The following CPM variants were observed in gnomAD, a reference collection of about 807,000 sequenced individuals.
The protein encoded by CPM is carboxypeptidase M, also known as renal carboxypeptidase.
Under a neutral mutation model 46.4 loss-of-function variants are expected in CPM, and 35 were observed. That is an observed-to-expected ratio of 0.75 (90% CI 0.58 to 1.00). The LOEUF (loss-of-function observed/expected upper bound fraction) is 1.00, where lower values mean the gene tolerates loss of function less well. Among genes scored for constraint, CPM ranks in the 50% least tolerant of loss-of-function variants. The pLI is 0.00. For missense variants in CPM, 422 were observed against 530.4 expected, an observed-to-expected ratio of 0.80 and a Z score of 2.01; for synonymous variants, 195 against 195.3, an observed-to-expected ratio of 1.00 and a Z score of 0.01.
In CPM at chr12:68,909,567, C is replaced by T. The variant is rs549497892; in HGVS notation, c.160+23111G>A. ...TTTATTGCAGCACTATTCACAATAGCAAAGACTTGGAACCAACCCAAATGT... is the reference window on the plus strand; with the variant it reads ...TTTATTGCAGCACTATTCACAATAGTAAAGACTTGGAACCAACCCAAATGT... On this transcript the variant is annotated intron_variant, in intron 2 of 8. Transcript: ENST00000551568. 2.0e-5 allele frequency among the ~76,000 whole-genome samples: 3 copies of T among 152,112 alleles called. No individual in the cohort carries two copies. In the East Asian group the frequency reaches 5.8e-4, roughly 29 times the overall value.
At chr12:68,943,490 C>T (rs948705865) in intron 1 of CPM, among the ~76,000 whole-genome samples, 4 of 152,152 alleles carry the variant, frequency 2.6e-5, no homozygotes, top group Non-Finnish European at 5.9e-5. Flanking sequence ...CATCCCAGCT[C>T]CTTCCAACAT....
At chr12:68,941,087 T>G (rs1888752109) in intron 1 of CPM, among the ~76,000 whole-genome samples, 1 of 152,140 alleles carries the variant, frequency 6.6e-6, no homozygotes, top group African/African-American at 2.4e-5. Context: ...AATATTTGTC[T>G]TTTTGTGACT....
At chr12:68,902,294 C>T (rs947312505) in intron 2 of CPM, among the ~76,000 whole-genome samples, 6 of 152,158 alleles carry the variant, frequency 3.9e-5, no homozygotes, top group African/African-American at 7.2e-5. Context: ...AAAGTCAACA[C>T]AAATATAAGT....
At chr12:68,961,016 T>A (rs1889102473) in intron 1 of CPM, among the ~76,000 whole-genome samples, 1 of 152,106 alleles carries the variant, frequency 6.6e-6, no homozygotes, top group Non-Finnish European at 1.5e-5. Flanking sequence ...CAGTAAAAAC[T>A]AGGAAATTTG....
At chr12:68,844,968 A>G (rs1002926840) in intron 5 of CPM, 15 of 193,322 alleles carry the variant, frequency 7.8e-5, no homozygotes, top group Non-Finnish European at 1.2e-4. Context: ...AAGTTTCACT[A>G]TGTTGGCCAG....
At chr12:68,894,143 T>C (rs996100083) in intron 2 of CPM, among the ~76,000 whole-genome samples, 1 of 152,196 alleles carries the variant, frequency 6.6e-6, no homozygotes, top group Non-Finnish European at 1.5e-5. Context: ...TCTCTAATCC[T>C]GTGTCATCTT....
At chr12:68,937,949 A>G (rs1888698450), upstream of CPM, among the ~76,000 whole-genome samples, 1 of 152,246 alleles carries the variant, frequency 6.6e-6, no homozygotes, top group South Asian at 2.1e-4. Flanking sequence ...AGAGTGAATT[A>G]CAAAAGTGAA....
chr12:68,849,461 G>A (rs1884557496), downstream of CPM: 1 of 149,214 alleles, frequency 6.7e-6, no homozygotes, highest in African/African-American at 2.5e-5. Flanking sequence ...CCAGGTTGGA[G>A]TGCAGTGGCA....
intron 2 of CPM, among the ~76,000 whole-genome samples, chr12:68,895,128 A>G (rs935459120): frequency 3.3e-5 from 5 of 151,898 alleles, no homozygotes; most frequent in South Asian, 4.1e-4. Flanking sequence ...TCTACCAGGT[A>G]AATCATGGCC....
chr12:68,946,397 G>T (rs1888848450), intron 1 of CPM, among the ~76,000 whole-genome samples: 2 of 151,992 alleles, frequency 1.3e-5, no homozygotes, highest in African/African-American at 2.4e-5. Context: ...TTTTAATAAG[G>T]AATCTCAGAT....
chr12:68,925,629 AG>A (rs1491116813), intron 2 of CPM, among the ~76,000 whole-genome samples: 1 of 152,170 alleles, frequency 6.6e-6, no homozygotes, highest in Non-Finnish European at 1.5e-5. Flanking sequence ...TATTTGACTC[AG>A]GGGGGTAAAA....
At chr12:68,952,931 T>C (rs1888958012) in intron 1 of CPM, among the ~76,000 whole-genome samples, 1 of 152,176 alleles carries the variant, frequency 6.6e-6, no homozygotes, top group Non-Finnish European at 1.5e-5. Context: ...AGGCTTGAGC[T>C]CTGTTGCCTA....
intron 2 of CPM, among the ~76,000 whole-genome samples, chr12:68,889,999 G>A (rs1886588446): frequency 6.6e-6 from 1 of 152,020 alleles, no homozygotes; most frequent in Admixed American, 6.5e-5. Flanking sequence ...CCTCACTTGG[G>A]GCTGATGCCA....
At position 68,871,334 on chromosome 12, in the gene CPM, A is replaced by T. The variant is rs114689828; in HGVS notation, c.431+450T>A. ...GTGGGGGGAGAGACATGAAGCAAGA[A>T]ATTAGATATTAAAAGTTGTGCTCTG... On this transcript the variant is annotated intron_variant, in intron 4 of 8. Coordinates refer to ENST00000551568, the MANE Select transcript of CPM (RefSeq NM_198320.5). Among the ~76,000 whole-genome samples the T allele has an allele frequency of 3.8e-3, 582 of 152,276 alleles. 5 individuals carry two copies. The highest frequency in any genetic ancestry group is 0.013 in the African/African-American group (555 of 41,546).
chr12:68,879,502 C>T (rs1592654254), intron 3 of CPM, among the ~76,000 whole-genome samples: 1 of 152,146 alleles, frequency 6.6e-6, no homozygotes, highest in African/African-American at 2.4e-5. Flanking sequence ...TAGCTGGGAC[C>T]ACAGGTATGC....
At chr12:68,902,818 G>A (rs1887166921) in intron 2 of CPM, among the ~76,000 whole-genome samples, 2 of 152,170 alleles carry the variant, frequency 1.3e-5, no homozygotes, top group South Asian at 4.1e-4. Context: ...AAGTAAAACA[G>A]ACCTTCTTCT....
At chr12:68,960,730 T>G (rs1188720538) in intron 1 of CPM, among the ~76,000 whole-genome samples, 1 of 152,122 alleles carries the variant, frequency 6.6e-6, no homozygotes, top group African/African-American at 2.4e-5. Context: ...CAAACAAGCA[T>G]GGAGCTCCTC....
chr12:68,946,966 A>G (rs1888858183), intron 1 of CPM, among the ~76,000 whole-genome samples: 1 of 152,234 alleles, frequency 6.6e-6, no homozygotes, highest in Non-Finnish European at 1.5e-5. Context: ...AATCATAAAA[A>G]GATTATTTTG....
chr12:68,963,322 CT>C, upstream of CPM: 1 of 162,756 alleles, frequency 6.1e-6, no homozygotes, highest in Admixed American at 6.4e-5. Flanking sequence ...ACATCATACC[CT>C]TTTGTCCAGT....
Sources: allele counts gnomAD v4.1 joint callset (sites outside exome capture counted in the v4.1 genomes callset), GRCh38; gene constraint gnomAD v4.1.1; transcripts MANE v1.5; gene names NCBI Gene and HGNC (gene_info 2026-07-23, HGNC 2026-07-21).